The following MYO5B variants were observed in gnomAD, a reference collection of about 807,000 sequenced individuals.
MYO5B encodes the protein myosin VB.
Under a neutral mutation model 229.3 loss-of-function variants are expected in MYO5B, and 143 were observed. The observed-to-expected ratio is 0.62, with a 90% CI of 0.54 to 0.72. MYO5B has a LOEUF of 0.72. Among genes scored for constraint, MYO5B ranks in the 30% least tolerant of loss-of-function variants. The pLI is 0.00. For missense variants in MYO5B, 2,321 were observed against 2,331.0 expected (o/e 1.00, Z 0.09); for synonymous variants, 918 against 885.2 (o/e 1.04, Z -0.66).
intron 27 of MYO5B, 59 bp downstream of exon 27, chr18:49,872,108 T>A (rs2024461527): frequency 2.6e-6 from 4 of 1,530,204 alleles, no homozygotes; most frequent in Non-Finnish European, 3.6e-6. Context: ...ATGCCCAGAT[T>A]TGTCATCTGC....
intron 1 of MYO5B, among the ~76,000 whole-genome samples, chr18:50,084,566 C>T (rs1054727049): frequency 3.3e-5 from 5 of 152,110 alleles, no homozygotes; most frequent in African/African-American, 1.2e-4. Context: ...ATGGTAGTGA[C>T]AACAATTTGT....
In MYO5B at chr18:49,877,832, A is replaced by T. The variant is rs1410631823; in HGVS notation, c.3327T>A (p.Ser1109=). 5.0e-6 allele frequency: 8 copies of T among 1,614,074 alleles called. No individual in the cohort carries two copies. The Admixed American group carries it at 1.0e-4, about 20-fold the overall frequency. ...TGGAGATGGAGGGGTAATTGGAGTC[A>T]GATTCTAAGCTACTTTGGTTTGATG... The part of the protein sequence containing the change: ...RNPSNQSSLE[S]DSNYPSISTS... The change falls in exon 25 of 40, where the codon TCT becomes TCA. Residue 1109 remains serine, a synonymous_variant. Transcript: ENST00000285039.
chr18:50,135,503 G>A (rs2032321565), intron 1 of MYO5B, among the ~76,000 whole-genome samples: 1 of 152,154 alleles, frequency 6.6e-6, no homozygotes, highest in South Asian at 2.1e-4. Flanking sequence ...CCTTTCTCTG[G>A]ACAGACTGAA....
intron 30 of MYO5B, among the ~76,000 whole-genome samples, chr18:49,854,869 C>T (rs954584613): frequency 6.6e-6 from 1 of 152,100 alleles, no homozygotes; most frequent in East Asian, 1.9e-4. Flanking sequence ...TATAAGCAAC[C>T]ACATTTTATG....
At chr18:50,064,043 A>G (rs1314815745) in intron 1 of MYO5B, 1 of 152,258 alleles carries the variant, frequency 6.6e-6, no homozygotes, top group Non-Finnish European at 1.5e-5. Context: ...GGAAGCAGTG[A>G]TAGCAGAGGC....
chr18:49,932,546 G>T (rs530944225), intron 16 of MYO5B, among the ~76,000 whole-genome samples: 14 of 152,266 alleles, frequency 9.2e-5, no homozygotes, highest in Admixed American at 5.9e-4. Flanking sequence ...GCCACTAACA[G>T]GTAGTGTTAC....
chr18:49,985,693 A>G (rs2144301846), intron 7 of MYO5B, among the ~76,000 whole-genome samples: 1 of 152,248 alleles, frequency 6.6e-6, no homozygotes, highest in Non-Finnish European at 1.5e-5. Context: ...TAAGTGTATA[A>G]CGTTTGGTTT....
intron 1 of MYO5B, among the ~76,000 whole-genome samples, chr18:50,087,087 C>G (rs1411784576): frequency 6.6e-6 from 1 of 152,204 alleles, no homozygotes; most frequent in Non-Finnish European, 1.5e-5. Flanking sequence ...ATGGACACTC[C>G]TCAATACCAG....
At position 49,863,213 on chromosome 18, in the gene MYO5B, C is replaced by T. The variant is rs373480302; in HGVS notation, c.3944+14G>A. 5.0e-5 allele frequency: 81 copies of T among 1,607,496 alleles called. No homozygotes were observed. The highest frequency in any genetic ancestry group is 2.8e-4 in the African/African-American group (21 of 74,846). On this transcript the variant is annotated intron_variant, in intron 29 of 39. Coordinates refer to ENST00000285039, the MANE Select transcript of MYO5B (RefSeq NM_001080467.3). ...CGCGGCCTCGTCCAGCACATTTGAC[C>T]GCGGCGGCCTTACCTGTTTGTCTGG...
At chr18:49,937,195 G>T (rs2025260129) in intron 15 of MYO5B, 50 bp downstream of exon 15, 2 of 1,608,650 alleles carry the variant, frequency 1.2e-6, no homozygotes, top group East Asian at 2.2e-5. Flanking sequence ...CTACAGAGAG[G>T]CCAGCCCTGC....
intron 1 of MYO5B, among the ~76,000 whole-genome samples, chr18:50,150,074 A>G (rs2032573307): frequency 1.3e-5 from 2 of 149,380 alleles, no homozygotes; most frequent in African/African-American, 4.9e-5. Flanking sequence ...CAAAAAACAC[A>G]TGAAAAAATG....
chr18:50,158,079 C>A (rs147362599), intron 1 of MYO5B, among the ~76,000 whole-genome samples: 3 of 152,120 alleles, frequency 2.0e-5, no homozygotes, highest in Non-Finnish European at 4.4e-5. Context: ...AGTGGGCACA[C>A]GAAGGCATTT....
intron 18 of MYO5B, 94 bp downstream of exon 18, chr18:49,911,968 G>C: frequency 1.1e-6 from 1 of 931,830 alleles, no homozygotes. Flanking sequence ...TAAGAAGGAT[G>C]AAGACCAAAA....
intron 1 of MYO5B, among the ~76,000 whole-genome samples, chr18:50,128,051 C>T (rs2144542408): frequency 6.6e-6 from 1 of 152,322 alleles, no homozygotes. Context: ...TGGAACTACA[C>T]CATCAGCTCT....
At chr18:50,080,890 G>A (rs2852094) in intron 1 of MYO5B, among the ~76,000 whole-genome samples, 108,375 of 151,976 alleles carry the variant, frequency 0.71, 40,124 homozygotes, top group Middle Eastern at 0.82. Flanking sequence ...TCATCATTAA[G>A]TCACTTGCCA....
chr18:49,838,446 G>A (rs1290425266), intron 36 of MYO5B, among the ~76,000 whole-genome samples: 2 of 152,082 alleles, frequency 1.3e-5, no homozygotes, highest in African/African-American at 4.8e-5. Context: ...CTTATAAAAA[G>A]ATTTCCAGAC....
At chr18:49,915,840 G>A (rs2025007636) in intron 17 of MYO5B, among the ~76,000 whole-genome samples, 1 of 152,188 alleles carries the variant, frequency 6.6e-6, no homozygotes, top group African/African-American at 2.4e-5. Flanking sequence ...CGCCAGCATG[G>A]CTGAATTTCT....
intron 1 of MYO5B, among the ~76,000 whole-genome samples, chr18:50,065,133 C>T (rs1003624370): frequency 9.2e-5 from 14 of 152,168 alleles, no homozygotes; most frequent in African/African-American, 2.7e-4. Context: ...TAGTCAAACA[C>T]CTATCTTTGA....
At chr18:49,936,143 G>C (rs1360827023) in intron 16 of MYO5B, 109 bp downstream of exon 16, 1 of 874,958 alleles carries the variant, frequency 1.1e-6, no homozygotes, top group Non-Finnish European at 1.9e-6. Context: ...GTAAGTCCAG[G>C]TGGTCATCAT....
Sources: allele counts gnomAD v4.1 joint callset (sites outside exome capture counted in the v4.1 genomes callset), GRCh38; gene constraint gnomAD v4.1.1; transcripts MANE v1.5; gene names NCBI Gene and HGNC (gene_info 2026-07-23, HGNC 2026-07-21).